The following PIP4K2A variants were observed in gnomAD, a reference collection of about 807,000 sequenced individuals.
The protein encoded by PIP4K2A is phosphatidylinositol-5-phosphate 4-kinase type 2 alpha, also known as phosphatidylinositol 5-phosphate 4-kinase type-2 alpha.
PIP4K2A carries 14 observed loss-of-function variants against 42.9 expected under a neutral mutation model. The observed-to-expected ratio is 0.33, with a 90% CI of 0.22 to 0.51. PIP4K2A has a LOEUF of 0.51. PIP4K2A is among the 20% of genes least tolerant of loss of function. The pLI is 0.97. For synonymous variants in PIP4K2A, 192 were observed against 192.2 expected (o/e 1.00, Z 0.01); for missense variants, 434 against 519.8 (o/e 0.83, Z 1.61).
At chr10:22,655,386 G>A (rs544633181) in intron 1 of PIP4K2A, among the ~76,000 whole-genome samples, 9 of 152,214 alleles carry the variant, frequency 5.9e-5, no homozygotes, top group Non-Finnish European at 1.3e-4. Context: ...GTTTGTGACT[G>A]CTGCCCTGCC....
chr10:22,713,995 G>T, intron 1 of PIP4K2A, 188 bp downstream of exon 1: 1 of 542,656 alleles, frequency 1.8e-6, no homozygotes, highest in Non-Finnish European at 3.2e-6. Context: ...GCAAGTGGTG[G>T]TGCCTGGGCG....
intron 1 of PIP4K2A, among the ~76,000 whole-genome samples, chr10:22,643,818 C>T (rs1409394): frequency 0.25 from 37,938 of 151,754 alleles, 5,133 homozygotes; most frequent in Non-Finnish European, 0.31. Context: ...ACCCCCATTC[C>T]CTCCTCCTCC....
At position 22,561,565 on chromosome 10, in the gene PIP4K2A, GTTTTTT is replaced by G. The variant is rs71394001; in HGVS notation, c.678+6280_678+6285del. Reference sequence around the variant, plus strand: ...TATGTCACCAGAGATTCTCTACGCAGTTTTTTTTTTTTTTTTTTTTTTTTTTCTGAG... The same window carrying G: ...TATGTCACCAGAGATTCTCTACGCAGTTTTTTTTTTTTTTTTTTTTCTGAG... On this transcript the variant is annotated intron_variant, in intron 6 of 9. Coordinates refer to ENST00000376573, the MANE Select transcript of PIP4K2A (RefSeq NM_005028.5). Among the ~76,000 whole-genome samples, 41 of 113,498 alleles carry G rather than the reference GTTTTTT, an allele frequency of 3.6e-4. 4 individuals carry two copies. Among genetic ancestry groups the G allele is most frequent in the African/African-American group, 1.3e-3 (37 of 28,312 alleles). The allele number at this position is 113,498 out of a possible 152,430, so 74.5% of individuals were successfully genotyped here.
At chr10:22,600,704 C>G (rs1197595684) in intron 3 of PIP4K2A, among the ~76,000 whole-genome samples, 1 of 152,128 alleles carries the variant, frequency 6.6e-6, no homozygotes, top group Non-Finnish European at 1.5e-5. Flanking sequence ...CTGGAGAAGG[C>G]TGCTTTCTGG....
chr10:22,689,120 G>A (rs370378072), intron 1 of PIP4K2A, among the ~76,000 whole-genome samples: 5 of 152,080 alleles, frequency 3.3e-5, no homozygotes, highest in Admixed American at 2.0e-4. Context: ...CTAGGGTGTC[G>A]GAGGTGGGGG....
chr10:22,705,911 C>G (rs901672955), intron 1 of PIP4K2A, among the ~76,000 whole-genome samples: 11 of 151,996 alleles, frequency 7.2e-5, no homozygotes, highest in Non-Finnish European at 1.3e-4. Flanking sequence ...TGACTCAGTT[C>G]TGCAGGGCTG....
intron 4 of PIP4K2A, 26 bp from the exon 5 acceptor site, chr10:22,573,483 A>G: frequency 6.3e-7 from 1 of 1,589,674 alleles, no homozygotes; most frequent in South Asian, 1.1e-5. Context: ...AGAAAAAGGA[A>G]AAAAACATCC....
chr10:22,569,992 G>C (rs953177018), intron 5 of PIP4K2A, among the ~76,000 whole-genome samples: 3 of 151,844 alleles, frequency 2.0e-5, no homozygotes, highest in African/African-American at 7.3e-5. Context: ...ATTAAAACTA[G>C]AATATCCAAT....
chr10:22,701,795 T>C (rs1393095971), intron 1 of PIP4K2A, among the ~76,000 whole-genome samples: 2 of 152,216 alleles, frequency 1.3e-5, no homozygotes. Context: ...GTCAAGATCT[T>C]AGTGAAAACT....
intron 1 of PIP4K2A, among the ~76,000 whole-genome samples, chr10:22,679,905 T>C (rs1839627582): frequency 1.3e-5 from 2 of 152,144 alleles, no homozygotes; most frequent in South Asian, 2.1e-4. Flanking sequence ...AGGTTTCTTT[T>C]AGAGAGGATG....
At chr10:22,577,034 C>T (rs1025683157) in intron 4 of PIP4K2A, among the ~76,000 whole-genome samples, 1 of 144,086 alleles carries the variant, frequency 6.9e-6, no homozygotes, top group Admixed American at 7.3e-5. Flanking sequence ...GCCGAGATTG[C>T]GCCACTGCAC....
chr10:22,665,539 T>G (rs1435353984), intron 1 of PIP4K2A, among the ~76,000 whole-genome samples: 1 of 150,674 alleles, frequency 6.6e-6, no homozygotes, highest in Admixed American at 6.6e-5. Context: ...CCTCCTGGGC[T>G]CAAGAGATCC....
At chr10:22,595,932 G>A (rs766632168) in intron 3 of PIP4K2A, among the ~76,000 whole-genome samples, 7 of 152,100 alleles carry the variant, frequency 4.6e-5, no homozygotes, top group Admixed American at 6.6e-5. Flanking sequence ...TCAGCCGGGC[G>A]CAGTGGGGCA....
At chr10:22,656,325 T>TA (rs935228430) in intron 1 of PIP4K2A, among the ~76,000 whole-genome samples, 11 of 151,996 alleles carry the variant, frequency 7.2e-5, no homozygotes, top group African/African-American at 2.7e-4. Context: ...GAACTGTGCC[T>TA]AAAAAAAATA....
chr10:22,548,341 G>T (rs958354934), intron 7 of PIP4K2A, among the ~76,000 whole-genome samples: 1 of 152,180 alleles, frequency 6.6e-6, no homozygotes, highest in African/African-American at 2.4e-5. Flanking sequence ...TATTATTAGA[G>T]ACAACAAAAG....
chr10:22,576,122 A>C (rs1837113673), intron 4 of PIP4K2A, among the ~76,000 whole-genome samples: 1 of 152,192 alleles, frequency 6.6e-6, no homozygotes, highest in Non-Finnish European at 1.5e-5. Context: ...AGTACTGCCA[A>C]GCTGCAGGTG....
chr10:22,607,880 G>A lies in PIP4K2A; in HGVS notation c.339+47C>T, dbSNP rs1392337637. ...CCCAATTGACACAGCAAAAGTCATG[G>A]CAAAACCCATTTCCTACTGGAAGCA... On this transcript the variant is annotated intron_variant, in intron 3 of 9. Transcript: ENST00000376573. The A allele has an allele frequency of 2.4e-6, 3 of 1,230,058 alleles. No individual in the cohort carries two copies. In the East Asian group the frequency reaches 7.0e-5, roughly 29 times the overall value. 76.2% of individuals were successfully genotyped at this position (1,230,058 alleles called of 1,614,324 possible).
chr10:22,568,620 A>G (rs1836905535), intron 5 of PIP4K2A, among the ~76,000 whole-genome samples: 1 of 152,182 alleles, frequency 6.6e-6, no homozygotes. Context: ...AGTGGTGTTC[A>G]AAACTCTGCC....
chr10:22,655,984 G>A (rs918816413), intron 1 of PIP4K2A, among the ~76,000 whole-genome samples: 1 of 152,216 alleles, frequency 6.6e-6, no homozygotes, highest in East Asian at 1.9e-4. Flanking sequence ...TAGCATCTTG[G>A]GGGAATCAAA....
Sources: allele counts gnomAD v4.1 joint callset (sites outside exome capture counted in the v4.1 genomes callset), GRCh38; gene constraint gnomAD v4.1.1; transcripts MANE v1.5; gene names NCBI Gene and HGNC (gene_info 2026-07-23, HGNC 2026-07-21).